The following HSD17B2 variants were observed in gnomAD, a reference collection of about 807,000 sequenced individuals.
The protein encoded by HSD17B2 is 17-beta-hydroxysteroid dehydrogenase type 2.
HSD17B2 carries 32 observed loss-of-function variants against 26.9 expected under a neutral mutation model. That is an observed-to-expected ratio of 1.19 (90% CI 0.90 to 1.60). The LOEUF is 1.60. Ranked by LOEUF, HSD17B2 falls within the 40% of genes most tolerant of loss-of-function variation. The pLI, the probability that HSD17B2 is intolerant of heterozygous loss-of-function variation, is 0.00. For synonymous variants in HSD17B2, 246 were observed against 186.7 expected, an observed-to-expected ratio of 1.32 and a Z score of -2.59; for missense variants, 613 against 468.6, an observed-to-expected ratio of 1.31 and a Z score of -2.85.
chr16:82,091,044 G>A lies in HSD17B2; in HGVS notation c.802+5G>A. On this transcript the variant is annotated splice_donor_5th_base_variant and intron_variant, in intron 4 of 4. Transcript: ENST00000199936. ...AACCTGGAGGCTTCCTAACAAGTAG[G>A]TTTCTGAGCCCAAGAACCTGTGATG... is the stretch of plus-strand genomic sequence containing the variant. 6.2e-7 allele frequency: 1 copy of A among 1,613,818 alleles called. No homozygotes were observed. The highest frequency in any genetic ancestry group is 8.5e-7 in the Non-Finnish European group (1 of 1,179,798).
Position 82,068,295 on chromosome 16 carries a change from C to A in HSD17B2, c.391C>A (p.Arg131Ser). Residue 131 changes from arginine to serine, a missense_variant, in exon 2 of 5, where the codon CGC becomes AGC. Arg to Ser is a moderately radical substitution (Grantham distance 110, BLOSUM62 -1). Coordinates refer to ENST00000199936, the MANE Select transcript of HSD17B2 (RefSeq NM_002153.3). The part of the protein sequence containing the change: ...AEELRRTCSP[R>S]LSVLQMDITK... ...GGAATTGCGAAGAACCTGCTCTCCGCGCCTCTCGGTGCTCCAAATGGACAT... is the reference window on the plus strand; with the variant it reads ...GGAATTGCGAAGAACCTGCTCTCCGAGCCTCTCGGTGCTCCAAATGGACAT... The A allele has an allele frequency of 1.2e-6, 2 of 1,614,044 alleles. No individual in the cohort carries two copies. The highest frequency in any genetic ancestry group is 2.2e-5 in the South Asian group (2 of 91,072).
intron 1 of HSD17B2, among the ~76,000 whole-genome samples, chr16:82,053,059 C>T (rs1215838629): frequency 6.6e-6 from 1 of 152,220 alleles, no homozygotes; most frequent in Non-Finnish European, 1.5e-5. Flanking sequence ...AAAGGCTCCA[C>T]CTCTCAATGC....
Position 82,098,256 on chromosome 16 carries a change from T to C in HSD17B2, c.984T>C (p.Ala328=), listed in dbSNP as rs12926193. ...FSPVLRDIQH[A]ILAKSPFAYY... is the part of the protein sequence containing the mutation. ...CGGTGCTGCGGGACATCCAGCATGC[T>C]ATCTTGGCGAAGAGCCCTTTTGCCT... The change falls in exon 5 of 5, where the codon GCT becomes GCC. Residue 328 remains alanine, a synonymous_variant. Coordinates refer to ENST00000199936, the MANE Select transcript of HSD17B2 (RefSeq NM_002153.3). 6.6e-5 allele frequency: 106 copies of C among 1,614,084 alleles called. No homozygotes were observed. Among genetic ancestry groups the C allele is most frequent in the Non-Finnish European group, 8.6e-5 (102 of 1,180,028 alleles).
At chr16:82,046,311 G>T (rs1294000108) in intron 1 of HSD17B2, among the ~76,000 whole-genome samples, 2 of 152,204 alleles carry the variant, frequency 1.3e-5, no homozygotes, top group African/African-American at 4.8e-5. Flanking sequence ...ACAGTGGTGT[G>T]ACTGTGCTGT....
At chr16:82,047,792 C>T (rs1265179432) in intron 1 of HSD17B2, among the ~76,000 whole-genome samples, 2 of 152,176 alleles carry the variant, frequency 1.3e-5, no homozygotes, top group Non-Finnish European at 2.9e-5. Flanking sequence ...CTTTTGACTG[C>T]CTGGATTTCC....
At chr16:82,084,857 T>C (rs1222810470) in intron 3 of HSD17B2, among the ~76,000 whole-genome samples, 1 of 152,174 alleles carries the variant, frequency 6.6e-6, no homozygotes, top group Non-Finnish European at 1.5e-5. Flanking sequence ...TTCAGTCTCC[T>C]GAGTAGCTGG....
intron 1 of HSD17B2, among the ~76,000 whole-genome samples, chr16:82,047,822 T>C (rs958367169): frequency 1.3e-5 from 2 of 152,188 alleles, no homozygotes; most frequent in Non-Finnish European, 2.9e-5. Flanking sequence ...ATGAGCTCCA[T>C]GCAGGGAGGC....
At chr16:82,069,538 T>C (rs1321724520) in intron 2 of HSD17B2, among the ~76,000 whole-genome samples, 1 of 152,226 alleles carries the variant, frequency 6.6e-6, no homozygotes, top group Non-Finnish European at 1.5e-5. Context: ...ATTGCTCTCC[T>C]AGCTCTCCAA....
chr16:82,066,596 T>C (rs1869613711), intron 1 of HSD17B2, among the ~76,000 whole-genome samples: 1 of 152,230 alleles, frequency 6.6e-6, no homozygotes, highest in Non-Finnish European at 1.5e-5. Flanking sequence ...CCCTCCATTC[T>C]GCCTGTCCTC....
intron 1 of HSD17B2, among the ~76,000 whole-genome samples, chr16:82,061,665 CTG>C (rs759381343): frequency 2.0e-4 from 30 of 152,050 alleles, no homozygotes; most frequent in Non-Finnish European, 3.7e-4. Context: ...TGTGCTATAA[CTG>C]TTAAAGAACG....
intron 1 of HSD17B2, among the ~76,000 whole-genome samples, chr16:82,043,987 C>G (rs1029809958): frequency 6.6e-6 from 1 of 152,216 alleles, no homozygotes; most frequent in Non-Finnish European, 1.5e-5. Flanking sequence ...GCCCTTGAAA[C>G]ATGTGGACTG....
intron 4 of HSD17B2, 55 bp from the exon 5 acceptor site, chr16:82,098,020 C>A: frequency 6.4e-7 from 1 of 1,551,122 alleles, no homozygotes; most frequent in Non-Finnish European, 8.7e-7. Context: ...AGCGCCTGCT[C>A]CCTGACTTCC....
chr16:82,054,096 T>C (rs1914191987), intron 1 of HSD17B2, among the ~76,000 whole-genome samples: 2 of 152,080 alleles, frequency 1.3e-5, no homozygotes, highest in Non-Finnish European at 2.9e-5. Flanking sequence ...AAGTCACCTC[T>C]GGCTGTGATT....
intron 1 of HSD17B2, among the ~76,000 whole-genome samples, chr16:82,039,178 A>G (rs1337173261): frequency 6.6e-6 from 1 of 151,978 alleles, no homozygotes; most frequent in Non-Finnish European, 1.5e-5. Flanking sequence ...CTGTGTGGAC[A>G]GCTGTGTAAA....
chr16:82,083,951 T>C (rs1208991551), intron 3 of HSD17B2, among the ~76,000 whole-genome samples: 1 of 152,210 alleles, frequency 6.6e-6, no homozygotes, highest in Non-Finnish European at 1.5e-5. Context: ...CAAAGAGCAG[T>C]TGGAAAATCT....
intron 3 of HSD17B2, among the ~76,000 whole-genome samples, chr16:82,083,672 C>T (rs951690818): frequency 6.6e-6 from 1 of 152,162 alleles, no homozygotes; most frequent in Non-Finnish European, 1.5e-5. Context: ...TCTTAATCTG[C>T]CAGCTGCTGG....
intron 3 of HSD17B2, among the ~76,000 whole-genome samples, chr16:82,087,774 T>G (rs1038652458): frequency 6.6e-6 from 1 of 152,084 alleles, no homozygotes; most frequent in African/African-American, 2.4e-5. Flanking sequence ...AGGGGTGGCA[T>G]CTTGTGAGGG....
At chr16:82,063,104 G>A (rs888912459) in intron 1 of HSD17B2, 6 of 152,186 alleles carry the variant, frequency 3.9e-5, no homozygotes, top group Non-Finnish European at 5.9e-5. Flanking sequence ...TTCCATGTGA[G>A]GAAGTGGAGG....
chr16:82,093,690 TG>T (rs1215981453), intron 4 of HSD17B2: 1 of 152,202 alleles, frequency 6.6e-6, no homozygotes, highest in African/African-American at 2.4e-5. Flanking sequence ...AGAAAGAATT[TG>T]GGGTGAATCT....
Sources: allele counts gnomAD v4.1 joint callset (sites outside exome capture counted in the v4.1 genomes callset), GRCh38; gene constraint gnomAD v4.1.1; transcripts MANE v1.5; gene names NCBI Gene and HGNC (gene_info 2026-07-23, HGNC 2026-07-21).